MAST4: variants seen among roughly 807,000 people sequenced by gnomAD.
MAST4 encodes microtubule associated serine/threonine kinase family member 4, also known as microtubule-associated serine/threonine-protein kinase 4.
In MAST4, 89 loss-of-function variants were observed where a neutral mutation model predicts 162.7. That is an observed-to-expected ratio of 0.55 (90% CI 0.46 to 0.65). The LOEUF (loss-of-function observed/expected upper bound fraction) is 0.65, where lower values mean the gene tolerates loss of function less well. Among genes scored for constraint, MAST4 ranks in the 30% least tolerant of loss-of-function variants. The pLI is 0.00. For missense variants in MAST4, 3,153 were observed against 3,374.0 expected (o/e 0.93, Z 1.62); for synonymous variants, 1,479 against 1,361.1 (o/e 1.09, Z -1.91).
rs569645217 is a variant in MAST4 at position 66,949,069 on chromosome 5, T to C, written c.674+49087T>C. On this transcript the variant is annotated intron_variant, in intron 4 of 28. Transcript: ENST00000403625. Reference sequence around the variant, plus strand: ...AACTATGAATGCAAACAATAACAAATAGACAAAAATATTAAATTAATGAAT... The same window carrying C: ...AACTATGAATGCAAACAATAACAAACAGACAAAAATATTAAATTAATGAAT... Among the ~76,000 whole-genome samples, 8 of 152,170 alleles carry C rather than the reference T, an allele frequency of 5.3e-5. No homozygotes were observed. The South Asian group carries it at 8.3e-4, about 16-fold the overall frequency.
intron 1 of MAST4, among the ~76,000 whole-genome samples, chr5:66,724,637 G>A (rs1751407501): frequency 1.3e-5 from 2 of 152,002 alleles, no homozygotes; most frequent in South Asian, 4.1e-4. Context: ...ACATACCTAG[G>A]CTATATGGTA....
chr5:66,619,811 A>T (rs1056833714), intron 1 of MAST4, among the ~76,000 whole-genome samples: 4 of 152,040 alleles, frequency 2.6e-5, no homozygotes, highest in African/African-American at 9.7e-5. Context: ...AAAAAAATTT[A>T]TATCAAGGTC....
At chr5:66,842,231 G>A (rs556471073) in intron 3 of MAST4, among the ~76,000 whole-genome samples, 1 of 152,310 alleles carries the variant, frequency 6.6e-6, no homozygotes, top group East Asian at 1.9e-4. Flanking sequence ...TAGAGATTCA[G>A]CATTAGAGGG....
At position 67,164,983 on chromosome 5, in the gene MAST4, C is replaced by T. The variant is rs746352074; in HGVS notation, c.5804C>T (p.Pro1935Leu). ...SPKHQDHTTDPKLLTCLGQNL... is the reference protein window; with the variant it reads ...SPKHQDHTTDLKLLTCLGQNL... ...AAACACCAAGACCACACCACTGACC[C>T]CAAGCTTCTGACCTGCCTGGGGCAG... The change falls in exon 29 of 29, where the codon CCC (proline) becomes CTC (leucine). Residue 1935 changes from proline (P) to leucine (L), a missense_variant. Pro to Leu is a moderately conservative substitution (Grantham distance 98). Around this residue, in one of 7 missense-constraint regions of MAST4, gnomAD observed 1,644 missense variants for 1,495.0 expected, o/e 1.10. Transcript: ENST00000403625. This position sits in a 1 kb window ranked among gnomAD's most constrained non-coding sequence, Gnocchi z 5.3. 5 of 1,613,878 alleles carry T rather than the reference C, an allele frequency of 3.1e-6. No homozygotes were observed. The highest frequency in any genetic ancestry group is 4.2e-6 in the Non-Finnish European group (5 of 1,179,856).
At chr5:66,771,207 C>T (rs374046006) in intron 2 of MAST4, among the ~76,000 whole-genome samples, 14 of 150,838 alleles carry the variant, frequency 9.3e-5, no homozygotes, top group Admixed American at 5.3e-4. Context: ...TTATTTGAGA[C>T]GGAGTCTCAC....
chr5:67,058,684 C>T (rs1387237923), intron 5 of MAST4, among the ~76,000 whole-genome samples: 1 of 152,180 alleles, frequency 6.6e-6, no homozygotes, highest in Admixed American at 6.5e-5. Context: ...ATTTCATGTG[C>T]ATCTGTGTTT....
intron 26 of MAST4, among the ~76,000 whole-genome samples, chr5:67,155,330 G>A (rs1772357298): frequency 6.6e-6 from 1 of 152,162 alleles, no homozygotes; most frequent in African/African-American, 2.4e-5. Context: ...ATGAATCCCT[G>A]ACAGTGTCCT....
Position 67,160,322 on chromosome 5 carries a change from G to A in MAST4, c.3649-134G>A, listed in dbSNP as rs1773042808. 5.6e-6 allele frequency: 5 copies of A among 895,862 alleles called. No homozygotes were observed. In the South Asian group the frequency reaches 1.4e-4, roughly 25 times the overall value. The allele number at this position is 895,862 out of a possible 1,614,324, so 55.5% of individuals were successfully genotyped here. A position where few individuals can be genotyped will look rare whatever the true frequency, so the allele number is the denominator to read the frequency against. On this transcript the variant is annotated intron_variant, in intron 26 of 28. Transcript: ENST00000403625. ...TTCTGGCAGGACTTCTTTGATTGAA[G>A]GGTTATTTAGAAACAGAAGGCCTTT...
intron 5 of MAST4, among the ~76,000 whole-genome samples, chr5:67,081,667 CTG>C (rs1762672655): frequency 6.6e-6 from 1 of 152,138 alleles, no homozygotes; most frequent in East Asian, 1.9e-4. Context: ...TAATATATCT[CTG>C]TAAGACAACT....
intron 1 of MAST4, among the ~76,000 whole-genome samples, chr5:66,611,029 T>A (rs1157772259): frequency 2.0e-5 from 3 of 152,232 alleles, no homozygotes; most frequent in Non-Finnish European, 1.5e-5. Context: ...TCCATCAGAA[T>A]GCCTTTAAAA....
At position 66,913,565 on chromosome 5, in the gene MAST4, A is replaced by G. The variant is rs111407236; in HGVS notation, c.674+13583A>G. Among the ~76,000 whole-genome samples the G allele has an allele frequency of 4.6e-3, 708 of 152,348 alleles. 6 individuals are homozygous for G. Among genetic ancestry groups the G allele is most frequent in the African/African-American group, 0.016 (682 of 41,588 alleles). On this transcript the variant is annotated intron_variant, in intron 4 of 28. Transcript: ENST00000403625. ...TGTTTATAGCTTTTGACCATTATAA[A>G]TAAACCTGATATATGTGATCTGTAA...
intron 4 of MAST4, among the ~76,000 whole-genome samples, chr5:66,996,906 CT>C (rs1269175778): frequency 7.9e-5 from 12 of 152,160 alleles, no homozygotes; most frequent in Non-Finnish European, 1.8e-4. Context: ...AGATTAGAAC[CT>C]GGATATCTTT....
chr5:66,908,765 G>C (rs183641695), intron 4 of MAST4, among the ~76,000 whole-genome samples: 25 of 152,238 alleles, frequency 1.6e-4, no homozygotes, highest in African/African-American at 5.8e-4. Flanking sequence ...TAATCAATAG[G>C]CAATCAATCA....
intron 1 of MAST4, among the ~76,000 whole-genome samples, chr5:66,729,951 A>G (rs992989224): frequency 1.3e-5 from 2 of 152,246 alleles, no homozygotes; most frequent in African/African-American, 2.4e-5. Flanking sequence ...GAGGACTGTC[A>G]GGGAGCAGCC....
At chr5:66,718,176 T>A (rs1750965323) in intron 1 of MAST4, among the ~76,000 whole-genome samples, 1 of 148,506 alleles carries the variant, frequency 6.7e-6, no homozygotes, top group Non-Finnish European at 1.5e-5. Context: ...TTTTTTTTCT[T>A]TTTTTTTTCT....
At chr5:67,087,286 GT>G (rs1353742744) in intron 5 of MAST4, among the ~76,000 whole-genome samples, 2 of 151,976 alleles carry the variant, frequency 1.3e-5, no homozygotes, top group Non-Finnish European at 2.9e-5. Context: ...ACTATGCTTG[GT>G]TTGCCCACCA....
chr5:66,660,354 C>T (rs1490771234), intron 1 of MAST4, among the ~76,000 whole-genome samples: 1 of 152,084 alleles, frequency 6.6e-6, no homozygotes, highest in Non-Finnish European at 1.5e-5. Context: ...CGCCATAGCA[C>T]TCCAGCCTGG....
rs1561214475 is a variant in MAST4 at position 67,166,292 on chromosome 5, G to A, written c.7113G>A (p.Gly2371=). ...CCAACACCGACAGAAGGGCGGAAGG[G>A]AAGAAATGCACTGAAGCACTTTATG... The part of the protein sequence containing the change: ...PAANTDRRAE[G]KKCTEALYAP... The change falls in exon 29 of 29, where the codon GGG becomes GGA. Residue 2371 remains glycine, a synonymous_variant. Coordinates refer to ENST00000403625, the MANE Select transcript of MAST4 (RefSeq NM_001164664.2). The A allele has an allele frequency of 2.6e-6, 4 of 1,564,360 alleles. No homozygotes were observed. The East Asian group carries it at 7.1e-5, about 28-fold the overall frequency.
intron 4 of MAST4, among the ~76,000 whole-genome samples, chr5:67,043,484 A>C (rs1291641092): frequency 6.6e-6 from 1 of 152,228 alleles, no homozygotes. Flanking sequence ...TTGGAACATT[A>C]GATTTAAGTT....
Sources: allele counts gnomAD v4.1 joint callset (sites outside exome capture counted in the v4.1 genomes callset), GRCh38; gene constraint gnomAD v4.1.1; regional missense constraint gnomAD v4.1.1; non-coding constraint Gnocchi (gnomAD v3.1); transcripts MANE v1.5; gene names NCBI Gene and HGNC (gene_info 2026-07-23, HGNC 2026-07-21).